Variants in PLCG2 observed in about 807,000 individuals in gnomAD.
PLCG2 encodes the protein 1-phosphatidylinositol 4,5-bisphosphate phosphodiesterase gamma-2.
PLCG2 carries 69 observed loss-of-function variants against 175.6 expected under a neutral mutation model. That is an observed-to-expected ratio of 0.39 (90% CI 0.32 to 0.48). PLCG2 has a LOEUF of 0.48. PLCG2 is among the 20% of genes least tolerant of loss of function. The pLI is 0.91. For missense variants in PLCG2, 1,798 were observed against 1,650.9 expected, an observed-to-expected ratio of 1.09 and a Z score of -1.54; for synonymous variants, 827 against 624.0, an observed-to-expected ratio of 1.33 and a Z score of -4.85.
chr16:81,912,346 G>A (rs529869704), intron 18 of PLCG2, among the ~76,000 whole-genome samples: 1 of 152,366 alleles, frequency 6.6e-6, no homozygotes, highest in South Asian at 2.1e-4. Flanking sequence ...GATTTCAGGT[G>A]TGAACCACTG....
chr16:81,839,763 C>T (rs947251964), intron 2 of PLCG2, among the ~76,000 whole-genome samples: 1 of 152,140 alleles, frequency 6.6e-6, no homozygotes, highest in East Asian at 1.9e-4. Flanking sequence ...AAATGATGAA[C>T]ATTTAGGCTG....
intron 2 of PLCG2, among the ~76,000 whole-genome samples, chr16:81,794,343 T>TTAA (rs1264280719): frequency 2.0e-5 from 3 of 152,168 alleles, no homozygotes; most frequent in Admixed American, 6.5e-5. Flanking sequence ...GAAATTACTA[T>TTAA]TAATAATAAT....
intron 2 of PLCG2, among the ~76,000 whole-genome samples, chr16:81,817,918 G>C (rs540442690): frequency 6.6e-6 from 1 of 152,226 alleles, no homozygotes; most frequent in Non-Finnish European, 1.5e-5. Flanking sequence ...CGGGGAGAAG[G>C]GGGTTAAGTG....
At chr16:81,832,024 A>G (rs908711832) in intron 2 of PLCG2, among the ~76,000 whole-genome samples, 1 of 152,050 alleles carries the variant, frequency 6.6e-6, no homozygotes, top group South Asian at 2.1e-4. Context: ...ATGCCCCACC[A>G]TTGAGCCTGG....
At chr16:81,904,932 G>C (rs1416229701) in intron 14 of PLCG2, among the ~76,000 whole-genome samples, 1 of 152,194 alleles carries the variant, frequency 6.6e-6, no homozygotes, top group East Asian at 1.9e-4. Flanking sequence ...CTGTTGCCCA[G>C]GCTGGAGTGC....
intron 2 of PLCG2, among the ~76,000 whole-genome samples, chr16:81,832,875 C>T (rs769138623): frequency 1.3e-5 from 2 of 152,180 alleles, no homozygotes; most frequent in Non-Finnish European, 2.9e-5. Flanking sequence ...AGGCTAAGTG[C>T]CCAGATAGGA....
Position 81,911,300 on chromosome 16 carries a change from T to G in PLCG2, c.1934+580T>G, listed in dbSNP as rs150959987. Among the ~76,000 whole-genome samples the G allele has an allele frequency of 7.9e-5, 12 of 152,290 alleles. No homozygotes were observed. The East Asian group carries it at 2.3e-3, about 29-fold the overall frequency. On this transcript the variant is annotated intron_variant, in intron 18 of 32. Transcript: ENST00000564138. Reference sequence around the variant, plus strand: ...TCTTAAAACTTGCTATTTCTTATCTTAAGAAATAACCCGAAAACAACCCAA... The same window carrying G: ...TCTTAAAACTTGCTATTTCTTATCTGAAGAAATAACCCGAAAACAACCCAA...
intron 1 of PLCG2, chr16:81,783,042 G>T (rs1358500191): frequency 6.8e-6 from 3 of 444,182 alleles, no homozygotes; most frequent in African/African-American, 6.1e-5. Context: ...AAGTAACTGG[G>T]ACCCTGGGGA....
rs150053878 is a variant in PLCG2, at chr16:81,897,369, C to G, written c.1193+1442C>G. Among the ~76,000 whole-genome samples the G allele has an allele frequency of 3.1e-3, 476 of 152,228 alleles. 3 individuals are homozygous for G. Among genetic ancestry groups the G allele is most frequent in the African/African-American group, 0.011 (452 of 41,524 alleles). The stretch of plus-strand genomic sequence containing the variant: ...TAGTTTGGGCAAAGCACTTACCATC[C>G]TATGCTTCAATTTCCATGTTAAAAA... On this transcript the variant is annotated intron_variant, in intron 13 of 32. Coordinates refer to ENST00000564138, the MANE Select transcript of PLCG2 (RefSeq NM_002661.5).
chr16:81,754,170 C>A (rs1909871049), intron 1 of PLCG2, among the ~76,000 whole-genome samples: 1 of 151,906 alleles, frequency 6.6e-6, no homozygotes, highest in African/African-American at 2.4e-5. Context: ...ATCTCCATCT[C>A]CGTCTCCACC....
In PLCG2 at chr16:81,865,425, G is replaced by C. The variant is rs184759520; in HGVS notation, c.480-3789G>C. ...AGAAAGCGGGTGAGGCTGTCCCAGA[G>C]CTAGGAGCCCAAAGAAGCTCTCAGC... On this transcript the variant is annotated intron_variant, in intron 5 of 32. Coordinates refer to ENST00000564138, the MANE Select transcript of PLCG2 (RefSeq NM_002661.5). 4.0e-4 allele frequency among the ~76,000 whole-genome samples: 61 copies of C among 152,290 alleles called. 1 individual carries two copies. The East Asian group carries it at 0.011, about 28-fold the overall frequency.
At chr16:81,759,869 G>A (rs944291472) in intron 2 of PLCG2, among the ~76,000 whole-genome samples, 8 of 152,244 alleles carry the variant, frequency 5.3e-5, no homozygotes, top group Non-Finnish European at 1.0e-4. Context: ...GCTCACGCCT[G>A]TAATCCCAGC....
At chr16:81,943,137 C>T (rs758165058) in intron 30 of PLCG2, among the ~76,000 whole-genome samples, 2 of 152,010 alleles carry the variant, frequency 1.3e-5, no homozygotes, top group African/African-American at 4.8e-5. Flanking sequence ...TGCCATGGAG[C>T]AAACAGTCAT....
chr16:81,958,608 G>A lies in PLCG2; in HGVS notation c.*610G>A, dbSNP rs558883123. The A allele has an allele frequency of 1.8e-5, 4 of 227,298 alleles. No individual in the cohort carries two copies. Among genetic ancestry groups the A allele is most frequent in the East Asian group, 1.3e-4 (2 of 15,860 alleles). The allele number at this position is 227,298 out of a possible 1,614,324, so 14.1% of individuals were successfully genotyped here. Reference sequence around the variant, plus strand: ...TCATTAAGACAATTTCTAATTAATGGTGACAGCTTGTTTTGTGACTAGAGT... The same window carrying A: ...TCATTAAGACAATTTCTAATTAATGATGACAGCTTGTTTTGTGACTAGAGT... On this transcript the variant is annotated 3_prime_UTR_variant, in exon 33 of 33. Transcript: ENST00000564138.
chr16:81,877,094 C>T (rs1490185759), intron 7 of PLCG2, among the ~76,000 whole-genome samples: 1 of 152,138 alleles, frequency 6.6e-6, no homozygotes, highest in Admixed American at 6.6e-5. Flanking sequence ...ACCGTCTTGC[C>T]CCAGCTCATG....
intron 19 of PLCG2, among the ~76,000 whole-genome samples, chr16:81,918,788 C>G (rs533743611): frequency 1.1e-4 from 17 of 152,144 alleles, no homozygotes; most frequent in South Asian, 8.3e-4. Context: ...AAATATTTTT[C>G]CAGATGTTTC....
intron 2 of PLCG2, 70 bp downstream of exon 2, chr16:81,786,252 C>T: frequency 1.6e-6 from 2 of 1,244,492 alleles, no homozygotes; most frequent in South Asian, 1.3e-5. Flanking sequence ...TGTCCACCTT[C>T]CTGTCTTGTC....
At chr16:81,912,473 T>A (rs1175449456) in intron 18 of PLCG2, 124 bp from the exon 19 acceptor site, 3 of 1,194,304 alleles carry the variant, frequency 2.5e-6, no homozygotes, top group Admixed American at 2.6e-5. Flanking sequence ...CTGTGTGATT[T>A]CCATGGTCGT....
At chr16:81,797,912 C>T (rs1335848534) in intron 2 of PLCG2, among the ~76,000 whole-genome samples, 1 of 151,688 alleles carries the variant, frequency 6.6e-6, no homozygotes, top group Non-Finnish European at 1.5e-5. Context: ...TTCACTGCAA[C>T]CTCTGCCTCC....
Sources: gnomAD v4.1 joint callset for allele counts (sites outside exome capture counted in the v4.1 genomes callset) on GRCh38, gnomAD v4.1.1 for gene constraint, MANE v1.5 for transcripts, NCBI Gene and HGNC (gene_info 2026-07-23, HGNC 2026-07-21) for gene names.